Variants in C19orf73 observed in about 807,000 individuals in gnomAD.
C19orf73 encodes chromosome 19 open reading frame 73, also known as putative uncharacterized protein C19orf73.
For missense variants in C19orf73, 211 were observed against 177.6 expected (o/e 1.19, Z -1.07); for synonymous variants, 86 against 79.1 (o/e 1.09, Z -0.46).
rs1212461393 is a variant in C19orf73, at chr19:49,118,419, T to G, written c.*214A>C. ...ACGTGCACTCTCTTCCTGTACAGTATTTATTGTTCCTGGCACTTTATTTAA... is the reference window on the plus strand; with the variant it reads ...ACGTGCACTCTCTTCCTGTACAGTAGTTATTGTTCCTGGCACTTTATTTAA... On this transcript the variant is annotated 3_prime_UTR_variant, in exon 1 of 1. Coordinates refer to ENST00000408991, the MANE Select transcript of C19orf73 (RefSeq NM_018111.3). 6.2e-7 allele frequency: 1 copy of G among 1,607,876 alleles called. No homozygotes were observed. The highest frequency in any genetic ancestry group is 8.5e-7 in the Non-Finnish European group (1 of 1,174,334).
At position 49,119,087 on chromosome 19, in the gene C19orf73, G is replaced by A. The variant is rs2040888900; in HGVS notation, c.-65C>T. The A allele has an allele frequency of 4.4e-6, 7 of 1,599,260 alleles. No individual in the cohort carries two copies. Among genetic ancestry groups the A allele is most frequent in the Non-Finnish European group, 5.1e-6 (6 of 1,172,648 alleles). On this transcript the variant is annotated 5_prime_UTR_variant, in exon 1 of 1. Coordinates refer to ENST00000408991, the MANE Select transcript of C19orf73 (RefSeq NM_018111.3). ...GGGCTAGTGCGCGCCACTGCCGGGA[G>A]CCGGGGTCGCGACTCGCGTTCCACG...
chr19:49,119,079 T>TG lies in C19orf73; in HGVS notation c.-58dup, dbSNP rs1026521448. The TG allele has an allele frequency of 1.2e-6, 2 of 1,603,800 alleles. No homozygotes were observed. The highest frequency in any genetic ancestry group is 2.7e-5 in the African/African-American group (2 of 74,462). ...CGGCGCGAGGGCTAGTGCGCGCCAC[T>TG]GCCGGGAGCCGGGGTCGCGACTCGC... On this transcript the variant is annotated 5_prime_UTR_variant, in exon 1 of 1. An upstream open reading frame in the 5' UTR loses its in-frame stop. Transcript: ENST00000408991.
Position 49,118,519 on chromosome 19 carries a change from A to T in C19orf73, c.*114T>A. On this transcript the variant is annotated 3_prime_UTR_variant, in exon 1 of 1. Coordinates refer to ENST00000408991, the MANE Select transcript of C19orf73 (RefSeq NM_018111.3). ...GTTGGTGTCTTGAGATGTGGAGGGAATGCGAGGAGCTGAGGTCAGGCCAAG... is the reference window on the plus strand; with the variant it reads ...GTTGGTGTCTTGAGATGTGGAGGGATTGCGAGGAGCTGAGGTCAGGCCAAG... The T allele has an allele frequency of 6.4e-7, 1 of 1,567,894 alleles. No individual in the cohort carries two copies. The highest frequency in any genetic ancestry group is 1.4e-5 in the African/African-American group (1 of 74,032).
Position 49,118,794 on chromosome 19 carries a change from G to C in C19orf73, c.229C>G (p.Gln77Glu). ...RLMVRSAPPT[Q>E]RPPTGSGCVS... is the part of the protein sequence containing the mutation. ...CAGCCGGAGCCAGTGGGCGGCCTCT[G>C]TGTGGGCGGGGCGGAGCGAACCATT... The change falls in exon 1 of 1, where the codon CAG (glutamine) becomes GAG (glutamate). Residue 77 changes from glutamine to glutamate, a missense_variant. Transcript: ENST00000408991. 1 of 1,614,202 alleles carries C rather than the reference G, an allele frequency of 6.2e-7. No homozygotes were observed. Among genetic ancestry groups the C allele is most frequent in the Non-Finnish European group, 8.5e-7 (1 of 1,180,022 alleles).
chr19:49,118,553 A>C lies in C19orf73; in HGVS notation c.*80T>G. On this transcript the variant is annotated 3_prime_UTR_variant, in exon 1 of 1. Coordinates refer to ENST00000408991, the MANE Select transcript of C19orf73 (RefSeq NM_018111.3). ...GCTGAGGTCAGGCCAAGCCGTTGAG[A>C]AGCCTTTTCCAGAGTCTGAGAACAG... is the stretch of plus-strand genomic sequence containing the variant. 1 of 1,572,440 alleles carries C rather than the reference A, an allele frequency of 6.4e-7. No individual in the cohort carries two copies. Among genetic ancestry groups the C allele is most frequent in the Non-Finnish European group, 8.6e-7 (1 of 1,157,014 alleles).
chr19:49,119,121 T>A lies in C19orf73; in HGVS notation c.-99A>T. The A allele has an allele frequency of 1.3e-6, 2 of 1,538,032 alleles. No homozygotes were observed. The highest frequency in any genetic ancestry group is 8.8e-7 in the Non-Finnish European group (1 of 1,130,506). On this transcript the variant is annotated 5_prime_UTR_variant, in exon 1 of 1. Transcript: ENST00000408991. ...GCGACTCGCGTTCCACGCCGCGCGC[T>A]ACTCGCTCCAGGTGACATCATCCCC... is the stretch of plus-strand genomic sequence containing the variant.
Position 49,118,961 on chromosome 19 carries a change from T to C in C19orf73, c.62A>G (p.Glu21Gly). The C allele has an allele frequency of 6.2e-7, 1 of 1,613,540 alleles. No homozygotes were observed. The highest frequency in any genetic ancestry group is 8.5e-7 in the Non-Finnish European group (1 of 1,179,790). Residue 21 changes from glutamate (E) to glycine (G), a missense_variant, in exon 1 of 1, where the codon GAA becomes GGA. Glu to Gly is a moderately conservative substitution (Grantham distance 98). Coordinates refer to ENST00000408991, the MANE Select transcript of C19orf73 (RefSeq NM_018111.3). ...CGCCCACCGGGCGCTCACTCCACCT[T>C]CCAAACACAGCGCGTCTTTCCGGAA... ...GCFRKDALCL[E>G]GGVSARWARA... is the part of the protein sequence containing the mutation.
At position 49,118,661 on chromosome 19, in the gene C19orf73, G is replaced by C. The variant is rs761952342; in HGVS notation, c.362C>G (p.Pro121Arg). 5.0e-6 allele frequency: 8 copies of C among 1,611,804 alleles called. No homozygotes were observed. The highest frequency in any genetic ancestry group is 3.3e-4 in the Middle Eastern group (2 of 6,076). The change falls in exon 1 of 1, where the codon CCC (proline) becomes CGC (arginine). Residue 121 changes from proline (P) to arginine (R), a missense_variant. Coordinates refer to ENST00000408991, the MANE Select transcript of C19orf73 (RefSeq NM_018111.3). ...GTCCGAGGGCGGAGGGCGGAGGCAG[G>C]GACCCAGTCTGGGTCTGAGTGCTGG... ...SAPALRPRLG[P>R]CLRPPPSD is the part of the protein sequence containing the mutation.
In C19orf73 at chr19:49,118,690, A is replaced by G. The variant is rs766920429; in HGVS notation, c.333T>C (p.Ser111=). The G allele has an allele frequency of 4.3e-6, 7 of 1,613,896 alleles. No individual in the cohort carries two copies. In the African/African-American group the frequency reaches 5.3e-5, roughly 12 times the overall value. Residue 111 remains serine (S), a synonymous_variant, in exon 1 of 1, where the codon TCT becomes TCC. Coordinates refer to ENST00000408991, the MANE Select transcript of C19orf73 (RefSeq NM_018111.3). The part of the protein sequence containing the change: ...LLRVGSVVLS[S]APALRPRLGP... The stretch of plus-strand genomic sequence containing the variant: ...CCAGTCTGGGTCTGAGTGCTGGGGC[A>G]GAACTGAGGACAACGCTGCCTACCC...
chr19:49,118,734 G>A lies in C19orf73; in HGVS notation c.289C>T (p.Arg97Cys), dbSNP rs191174298. The A allele has an allele frequency of 3.5e-5, 57 of 1,614,230 alleles. No individual in the cohort carries two copies. In the East Asian group the frequency reaches 1.0e-3, roughly 29 times the overall value. The change falls in exon 1 of 1, where the codon CGC (arginine) becomes TGC (cysteine). Residue 97 changes from arginine to cysteine, a missense_variant. By Grantham distance (180) the Arg-to-Cys change is radical (BLOSUM62 -3). Coordinates refer to ENST00000408991, the MANE Select transcript of C19orf73 (RefSeq NM_018111.3). ...CCTACCCTTAAGAGCGTCTGAGGGCGAAGGCCAAGTCCCTTCCTCCAGAGT... is the reference window on the plus strand; with the variant it reads ...CCTACCCTTAAGAGCGTCTGAGGGCAAAGGCCAAGTCCCTTCCTCCAGAGT... ...SGLWRKGLGL[R>C]PQTLLRVGSV...
rs778822359 is a variant in C19orf73, at chr19:49,118,777, G to A, written c.246C>T (p.Gly82=). 12 of 1,614,122 alleles carry A rather than the reference G, an allele frequency of 7.4e-6. No individual in the cohort carries two copies. The highest frequency in any genetic ancestry group is 8.5e-6 in the Non-Finnish European group (10 of 1,180,042). ...TCCAGAGTCCTGAAACGCAGCCGGA[G>A]CCAGTGGGCGGCCTCTGTGTGGGCG... ...SAPPTQRPPT[G]SGCVSGLWRK... Residue 82 remains glycine, a synonymous_variant, in exon 1 of 1, where the codon GGC becomes GGT. Transcript: ENST00000408991.
At position 49,119,017 on chromosome 19, in the gene C19orf73, C is replaced by T. The variant is rs1305949863; in HGVS notation, c.6G>A (p.Arg2=). 8.1e-6 allele frequency: 13 copies of T among 1,613,536 alleles called. No homozygotes were observed. The highest frequency in any genetic ancestry group is 1.7e-5 in the Admixed American group (1 of 60,018). The change falls in exon 1 of 1, where the codon AGG becomes AGA. Residue 2 remains arginine (R), a synonymous_variant. Coordinates refer to ENST00000408991, the MANE Select transcript of C19orf73 (RefSeq NM_018111.3). M[R]LKVGFQGGGC... is the part of the protein sequence containing the mutation. Reference sequence around the variant, plus strand: ...CCCCGCCTTGAAATCCAACCTTTAGCCTCATCCCGCTGCCCGCCCAGCCCT... The same window carrying T: ...CCCCGCCTTGAAATCCAACCTTTAGTCTCATCCCGCTGCCCGCCCAGCCCT...
In C19orf73 at chr19:49,118,952, A is replaced by T; in HGVS notation, c.71T>A (p.Val24Glu). 2.5e-6 allele frequency: 4 copies of T among 1,613,256 alleles called. No homozygotes were observed. Among genetic ancestry groups the T allele is most frequent in the Non-Finnish European group, 3.4e-6 (4 of 1,179,706 alleles). The change falls in exon 1 of 1, where the codon GTG becomes GAG. Residue 24 changes from valine to glutamate, a missense_variant. Val to Glu is a moderately radical substitution (Grantham distance 121). Transcript: ENST00000408991. ...AGGTGCCCTCGCCCACCGGGCGCTCACTCCACCTTCCAAACACAGCGCGTC... is the reference window on the plus strand; with the variant it reads ...AGGTGCCCTCGCCCACCGGGCGCTCTCTCCACCTTCCAAACACAGCGCGTC... ...RKDALCLEGG[V>E]SARWARAPHS... is the part of the protein sequence containing the mutation.
chr19:49,118,983 GGA>G, the C19orf73 span: 1 of 1,613,676 alleles, frequency 6.2e-7, no homozygotes, highest in Non-Finnish European at 8.5e-7. Flanking sequence ...GCGTCTTTCC[GGA>G]AGCAGCCCCC....
At chr19:49,118,878 GT>G in the C19orf73 span, 1 of 1,613,006 alleles carries the variant, frequency 6.2e-7, no homozygotes, top group South Asian at 1.1e-5. Context: ...GGAGTCGCGG[GT>G]GGGGGTGCCG....
chr19:49,119,096 G>C lies in C19orf73; in HGVS notation c.-74C>G. 1.3e-6 allele frequency: 2 copies of C among 1,590,784 alleles called. No individual in the cohort carries two copies. Among genetic ancestry groups the C allele is most frequent in the Non-Finnish European group, 1.7e-6 (2 of 1,167,224 alleles). ...CGCGCCACTGCCGGGAGCCGGGGTC[G>C]CGACTCGCGTTCCACGCCGCGCGCT... On this transcript the variant is annotated 5_prime_UTR_variant, in exon 1 of 1. Coordinates refer to ENST00000408991, the MANE Select transcript of C19orf73 (RefSeq NM_018111.3).
rs1000029134 is a variant in C19orf73, at chr19:49,118,920, C to G, written c.103G>C (p.Ala35Pro). The G allele has an allele frequency of 6.2e-7, 1 of 1,613,302 alleles. No individual in the cohort carries two copies. The highest frequency in any genetic ancestry group is 1.3e-5 in the African/African-American group (1 of 74,906). ...AGTTCCCGAGGCGGGCGCAGGGGTG[C>G]AGAATGAGGTGCCCTCGCCCACCGG... ...SARWARAPHS[A>P]PLRPPRELHA... The change falls in exon 1 of 1, where the codon GCA becomes CCA. Residue 35 changes from alanine (A) to proline (P), a missense_variant. Ala to Pro is a conservative substitution (Grantham distance 27). Transcript: ENST00000408991.
Position 49,118,740 on chromosome 19 carries a change from C to A in C19orf73, c.283G>T (p.Gly95Cys). Reference sequence around the variant, plus strand: ...CTTAAGAGCGTCTGAGGGCGAAGGCCAAGTCCCTTCCTCCAGAGTCCTGAA... The same window carrying A: ...CTTAAGAGCGTCTGAGGGCGAAGGCAAAGTCCCTTCCTCCAGAGTCCTGAA... ...CVSGLWRKGL[G>C]LRPQTLLRVG... The change falls in exon 1 of 1, where the codon GGC (glycine) becomes TGC (cysteine). Residue 95 changes from glycine to cysteine, a missense_variant. Physicochemically the swap from Gly to Cys is radical, Grantham distance 159. Transcript: ENST00000408991. 3.7e-6 allele frequency: 6 copies of A among 1,614,212 alleles called. No individual in the cohort carries two copies. Among genetic ancestry groups the A allele is most frequent in the Non-Finnish European group, 5.1e-6 (6 of 1,180,036 alleles).
At position 49,118,722 on chromosome 19, in the gene C19orf73, G is replaced by C; in HGVS notation, c.301C>G (p.Leu101Val). 6.2e-7 allele frequency: 1 copy of C among 1,614,140 alleles called. No individual in the cohort carries two copies. The highest frequency in any genetic ancestry group is 8.5e-7 in the Non-Finnish European group (1 of 1,179,944). Residue 101 changes from leucine (L) to valine (V), a missense_variant, in exon 1 of 1, where the codon CTC becomes GTC. Transcript: ENST00000408991. ...RKGLGLRPQTLLRVGSVVLSS... is the reference protein window; with the variant it reads ...RKGLGLRPQTVLRVGSVVLSS... ...AGGACAACGCTGCCTACCCTTAAGAGCGTCTGAGGGCGAAGGCCAAGTCCC... is the reference window on the plus strand; with the variant it reads ...AGGACAACGCTGCCTACCCTTAAGACCGTCTGAGGGCGAAGGCCAAGTCCC...
Sources: allele counts gnomAD v4.1 joint callset, GRCh38; gene constraint gnomAD v4.1.1; transcripts MANE v1.5; gene names NCBI Gene and HGNC (gene_info 2026-07-23, HGNC 2026-07-21).